Variants in SLC5A1 observed in about 807,000 individuals in gnomAD.
The protein encoded by SLC5A1 is sodium/glucose cotransporter 1.
In SLC5A1, 42 loss-of-function variants were observed where a neutral mutation model predicts 73.5. That is an observed-to-expected ratio of 0.57 (90% CI 0.45 to 0.74). The LOEUF is 0.74. SLC5A1 is among the 30% of genes least tolerant of loss of function. The pLI is 0.00. For synonymous variants in SLC5A1, 300 were observed against 317.4 expected (o/e 0.95, Z 0.58); for missense variants, 634 against 855.4 (o/e 0.74, Z 3.23).
intron 5 of SLC5A1, among the ~76,000 whole-genome samples, chr22:32,075,994 C>A (rs892792122): frequency 6.6e-6 from 1 of 152,086 alleles, no homozygotes; most frequent in Non-Finnish European, 1.5e-5. Context: ...CCACACAAAC[C>A]AAGATTCACC....
chr22:32,083,220 C>T, intron 7 of SLC5A1, 66 bp downstream of exon 7: 1 of 1,313,792 alleles, frequency 7.6e-7, no homozygotes, highest in South Asian at 1.2e-5. Context: ...AAGAGGAAGG[C>T]AAGTCCAGCC....
At position 32,043,305 on chromosome 22, in the gene SLC5A1, C is replaced by T. The variant is rs781759423; in HGVS notation, c.24C>T (p.Pro8=). MDSSTWS[P]KTTAVTRPVE... ...CCATGGACAGTAGCACCTGGAGCCC[C>T]AAGACCACCGCGGTCACCCGGCCTG... Residue 8 remains proline (P), a synonymous_variant, in exon 1 of 15, where the codon CCC becomes CCT. Coordinates refer to ENST00000266088, the MANE Select transcript of SLC5A1 (RefSeq NM_000343.4). The surrounding 1 kb of genome is among the most constrained non-coding windows in gnomAD (Gnocchi z 6.5). 6.2e-7 allele frequency: 1 copy of T among 1,614,096 alleles called. No individual in the cohort carries two copies.
intron 1 of SLC5A1, among the ~76,000 whole-genome samples, chr22:32,049,073 AAAAT>A (rs369009468): frequency 0.04 from 1,729 of 43,398 alleles, 51 homozygotes; most frequent in African/African-American, 0.074. Flanking sequence ...GACTTTGTCT[AAAAT>A]AAATAAATAA....
In SLC5A1 at chr22:32,043,467, A is replaced by T; in HGVS notation, c.135+51A>T. On this transcript the variant is annotated intron_variant, in intron 1 of 14. Transcript: ENST00000266088. The surrounding 1 kb of genome is among the most constrained non-coding windows in gnomAD (Gnocchi z 6.5). ...GTGGGGAGGGTGCGCACAGAGGAGG[A>T]GCAATGGCCTCGCTGAGCTGCAAGG... 1 of 1,600,490 alleles carries T rather than the reference A, an allele frequency of 6.2e-7. No homozygotes were observed. Among genetic ancestry groups the T allele is most frequent in the Non-Finnish European group, 8.5e-7 (1 of 1,170,434 alleles).
rs117295807 is a variant in SLC5A1, at chr22:32,052,361, G to A, written c.207+2347G>A. ...TGGGTAAAATATATCTGATTTTATC[G>A]TTATGTTTCTAAAACCTAATGATCA... On this transcript the variant is annotated intron_variant, in intron 2 of 14. Coordinates refer to ENST00000266088, the MANE Select transcript of SLC5A1 (RefSeq NM_000343.4). 1.8e-3 allele frequency among the ~76,000 whole-genome samples: 267 copies of A among 152,236 alleles called. 1 individual carries two copies. Among genetic ancestry groups the A allele is most frequent in the Non-Finnish European group, 2.9e-3 (197 of 68,010 alleles).
chr22:32,059,783 T>C (rs895896904), intron 2 of SLC5A1, among the ~76,000 whole-genome samples: 1 of 152,152 alleles, frequency 6.6e-6, no homozygotes, highest in Non-Finnish European at 1.5e-5. Flanking sequence ...TGCGGAATGA[T>C]TTCCCACCAA....
At chr22:32,087,199 T>C (rs1474486613) in intron 10 of SLC5A1, among the ~76,000 whole-genome samples, 1 of 152,174 alleles carries the variant, frequency 6.6e-6, no homozygotes, top group Non-Finnish European at 1.5e-5. Context: ...CTATAGTTAA[T>C]AGCAACGTAT....
In SLC5A1 at chr22:32,066,804, C is replaced by G. The variant is rs547971752; in HGVS notation, c.208-131C>G. The G allele has an allele frequency of 4.3e-6, 3 of 700,518 alleles. No individual in the cohort carries two copies. The South Asian group carries it at 4.5e-5, about 10-fold the overall frequency. 43.4% of individuals were successfully genotyped at this position (700,518 alleles called of 1,614,324 possible). A position where few individuals can be genotyped will look rare whatever the true frequency, so the allele number is the denominator to read the frequency against. On this transcript the variant is annotated intron_variant, in intron 2 of 14. Transcript: ENST00000266088. The stretch of plus-strand genomic sequence containing the variant: ...CCAGCTGTCCCTGATGATTCCAGCA[C>G]AGTTTTCTCCCAGCCCACCTCTGCT...
At chr22:32,098,578 A>G (rs1164986276) in intron 11 of SLC5A1, among the ~76,000 whole-genome samples, 1 of 152,190 alleles carries the variant, frequency 6.6e-6, no homozygotes, top group Non-Finnish European at 1.5e-5. Flanking sequence ...TCAAAATGAG[A>G]TTCTCTTATG....
intron 5 of SLC5A1, among the ~76,000 whole-genome samples, chr22:32,073,697 C>T (rs917838943): frequency 5.3e-5 from 8 of 151,954 alleles, no homozygotes; most frequent in Admixed American, 4.6e-4. Context: ...GCTGGGATTA[C>T]AGCCACACGC....
chr22:32,108,067 A>T (rs1287975949), intron 14 of SLC5A1, among the ~76,000 whole-genome samples: 2 of 152,170 alleles, frequency 1.3e-5, no homozygotes, highest in African/African-American at 4.8e-5. Flanking sequence ...TCCTTTCCAG[A>T]ACAGGAAAAT....
At chr22:32,067,834 C>T in intron 3 of SLC5A1, 133 bp from the exon 4 acceptor site, 2 of 910,074 alleles carry the variant, frequency 2.2e-6, no homozygotes, top group Non-Finnish European at 1.9e-6. Flanking sequence ...GCAAAGGCCT[C>T]CTGCAGTCTC....
At chr22:32,083,488 C>A (rs912128707) in intron 7 of SLC5A1, among the ~76,000 whole-genome samples, 1 of 152,188 alleles carries the variant, frequency 6.6e-6, no homozygotes, top group African/African-American at 2.4e-5. Context: ...GGCTAAATAT[C>A]CATCAAGCTA....
At chr22:32,102,370 T>C in intron 13 of SLC5A1, 133 bp downstream of exon 13, 2 of 714,088 alleles carry the variant, frequency 2.8e-6, no homozygotes, top group South Asian at 3.1e-5. Context: ...AATGTTTTGA[T>C]ACAGGCATAC....
chr22:32,091,848 C>A, intron 11 of SLC5A1, 86 bp downstream of exon 11: 1 of 1,368,788 alleles, frequency 7.3e-7, no homozygotes, highest in Non-Finnish European at 1.0e-6. Flanking sequence ...GGAAGGTTGG[C>A]AGATGCCTGG....
intron 2 of SLC5A1, chr22:32,059,281 T>C (rs1288245306): frequency 2.0e-6 from 2 of 985,336 alleles, no homozygotes; most frequent in African/African-American, 3.5e-5. Flanking sequence ...CAGACTTGTG[T>C]GGAAGCAGTT....
Position 32,068,557 on chromosome 22 carries a change from T to C in SLC5A1, c.434T>C (p.Leu145Pro), listed in dbSNP as rs1297204263. The change falls in exon 5 of 15, where the codon CTT becomes CCT. Residue 145 changes from leucine (L) to proline (P), a missense_variant. Leu to Pro is a moderately conservative substitution (Grantham distance 98). Coordinates refer to ENST00000266088, the MANE Select transcript of SLC5A1 (RefSeq NM_000343.4). ...RFGGQRIQVY[L>P]SLLSLLLYIF... ...GGAGGCCAGCGGATCCAGGTCTACC[T>C]TTCCCTTCTGTCCCTGCTGCTCTAC... 6.2e-7 allele frequency: 1 copy of C among 1,613,826 alleles called. No individual in the cohort carries two copies. The highest frequency in any genetic ancestry group is 1.7e-5 in the Admixed American group (1 of 59,984).
At chr22:32,078,541 A>G (rs145920717) in intron 5 of SLC5A1, among the ~76,000 whole-genome samples, 6,824 of 152,282 alleles carry the variant, frequency 0.045, 208 homozygotes, top group Non-Finnish European at 0.07. Context: ...AAGTGCTGGG[A>G]TTACAGGCAT....
chr22:32,078,611 T>G (rs1569308585), intron 5 of SLC5A1, among the ~76,000 whole-genome samples: 1 of 152,150 alleles, frequency 6.6e-6, no homozygotes, highest in Non-Finnish European at 1.5e-5. Flanking sequence ...ATTATTTTAT[T>G]TGAGATTTTA....
Sources: gnomAD v4.1 joint callset for allele counts (sites outside exome capture counted in the v4.1 genomes callset) on GRCh38, gnomAD v4.1.1 for gene constraint, Gnocchi (gnomAD v3.1) non-coding constraint, MANE v1.5 for transcripts, NCBI Gene and HGNC (gene_info 2026-07-23, HGNC 2026-07-21) for gene names.